INPP4B: variants seen among roughly 807,000 people sequenced by gnomAD.
The protein encoded by INPP4B is inositol polyphosphate 4-phosphatase type II.
In INPP4B, 55 loss-of-function variants were observed where a neutral mutation model predicts 122.5. The ratio of observed to expected loss-of-function variants is 0.45; its 90% confidence interval spans 0.36 to 0.56. The LOEUF (loss-of-function observed/expected upper bound fraction) is 0.56. Among genes scored for constraint, INPP4B ranks in the 20% least tolerant of loss-of-function variants. The pLI is 0.00. For missense variants in INPP4B, 1,000 were observed against 1,097.7 expected, an observed-to-expected ratio of 0.91 and a Z score of 1.26; for synonymous variants, 403 against 388.7, an observed-to-expected ratio of 1.04 and a Z score of -0.43.
At chr4:142,734,047 T>C (rs1766469351) in intron 1 of INPP4B, among the ~76,000 whole-genome samples, 1 of 152,192 alleles carries the variant, frequency 6.6e-6, no homozygotes, top group African/African-American at 2.4e-5. Flanking sequence ...TCACAATTCA[T>C]ATGGCAAAGC....
chr4:142,424,921 T>G (rs1807713470), intron 5 of INPP4B, among the ~76,000 whole-genome samples: 1 of 152,044 alleles, frequency 6.6e-6, no homozygotes, highest in Non-Finnish European at 1.5e-5. Context: ...TTTTGTTATA[T>G]TAATATAAAA....
chr4:142,075,478 C>T lies in INPP4B; in HGVS notation c.2642+6553G>A, dbSNP rs181367263. 2.7e-4 allele frequency among the ~76,000 whole-genome samples: 41 copies of T among 152,138 alleles called. No individual in the cohort carries two copies. The East Asian group carries it at 5.8e-3, about 22-fold the overall frequency. ...CTAGGGCTCTAGCAAGATTTCCAAA[C>T]CCTGTAGCCCACTAGCCCACTGTCA... On this transcript the variant is annotated intron_variant, in intron 25 of 25. Coordinates refer to ENST00000262992, the MANE Select transcript of INPP4B (RefSeq NM_001101669.3).
chr4:142,173,885 G>A, intron 15 of INPP4B, 76 bp from the exon 16 acceptor site: 1 of 1,155,030 alleles, frequency 8.7e-7, no homozygotes, highest in Non-Finnish European at 1.3e-6. Flanking sequence ...GATGGCAAAT[G>A]ATAAACAGAA....
intron 2 of INPP4B, among the ~76,000 whole-genome samples, chr4:142,547,894 C>T (rs963497817): frequency 2.0e-5 from 3 of 151,970 alleles, no homozygotes; most frequent in Non-Finnish European, 4.4e-5. Context: ...AATCATTGGC[C>T]CTGGAATATT....
At chr4:142,181,335 T>G (rs79583196) in intron 15 of INPP4B, among the ~76,000 whole-genome samples, 4 of 152,108 alleles carry the variant, frequency 2.6e-5, no homozygotes, top group African/African-American at 7.2e-5. Context: ...TTGCTGGAAG[T>G]AGAAGTTGCA....
At chr4:142,514,792 C>CTTTTTTTTT (rs3078620) in intron 2 of INPP4B, among the ~76,000 whole-genome samples, 2 of 121,780 alleles carry the variant, frequency 1.6e-5, no homozygotes, top group Admixed American at 8.8e-5. Flanking sequence ...ACCATGATTT[C>CTTTTTTTTT]TTTTTTTTTT....
At chr4:142,591,759 C>T (rs981568785) in intron 2 of INPP4B, among the ~76,000 whole-genome samples, 2 of 152,156 alleles carry the variant, frequency 1.3e-5, no homozygotes, top group Non-Finnish European at 2.9e-5. Context: ...GAATTGTCCT[C>T]CTCAAAAACA....
chr4:142,515,365 A>G (rs561563448), intron 2 of INPP4B, among the ~76,000 whole-genome samples: 24 of 152,280 alleles, frequency 1.6e-4, no homozygotes, highest in Non-Finnish European at 2.8e-4. Context: ...GTGGGTCATG[A>G]AAACGAAATG....
At chr4:142,638,977 A>G (rs1199936437) in intron 2 of INPP4B, among the ~76,000 whole-genome samples, 2 of 152,154 alleles carry the variant, frequency 1.3e-5, no homozygotes, top group Non-Finnish European at 2.9e-5. Flanking sequence ...GAAAGTTGTT[A>G]TCATGAATGG....
intron 2 of INPP4B, among the ~76,000 whole-genome samples, chr4:142,498,027 T>C (rs1402130826): frequency 6.6e-6 from 1 of 151,936 alleles, no homozygotes; most frequent in Non-Finnish European, 1.5e-5. Flanking sequence ...ATATAATTTG[T>C]TTTTATGAGC....
chr4:142,170,702 C>T (rs1825202735), intron 16 of INPP4B, among the ~76,000 whole-genome samples: 1 of 151,744 alleles, frequency 6.6e-6, no homozygotes, highest in African/African-American at 2.4e-5. Flanking sequence ...CCAATAAATG[C>T]TAGCTATTAC....
intron 9 of INPP4B, among the ~76,000 whole-genome samples, chr4:142,293,709 C>T (rs748481825): frequency 1.3e-5 from 2 of 152,176 alleles, no homozygotes; most frequent in African/African-American, 2.4e-5. Context: ...GAAATAGCTA[C>T]GCTATGACAC....
intron 7 of INPP4B, among the ~76,000 whole-genome samples, chr4:142,389,456 G>T (rs960004037): frequency 1.3e-5 from 2 of 152,092 alleles, no homozygotes; most frequent in Non-Finnish European, 2.9e-5. Context: ...TTTAGTTTAC[G>T]TGACTTTTAA....
intron 25 of INPP4B, among the ~76,000 whole-genome samples, chr4:142,035,428 C>T (rs2152299290): frequency 6.6e-6 from 1 of 152,250 alleles, no homozygotes; most frequent in South Asian, 2.1e-4. Context: ...AAATGTATTT[C>T]TCTAGAATCT....
chr4:142,775,260 CT>C lies in INPP4B; in HGVS notation c.-253-49360del, dbSNP rs573658432. ...AAGTTACTCTCCTCCATGCATTCTTCTTTACTGTACTCTTGAACCAATGTCA... is the reference window on the plus strand; with the variant it reads ...AAGTTACTCTCCTCCATGCATTCTTCTTACTGTACTCTTGAACCAATGTCA... On this transcript the variant is annotated intron_variant, in intron 1 of 25. Transcript: ENST00000262992. Among the ~76,000 whole-genome samples the C allele has an allele frequency of 6.8e-4, 103 of 151,244 alleles. 1 individual carries two copies. The highest frequency in any genetic ancestry group is 2.4e-3 in the African/African-American group (98 of 40,664).
chr4:142,558,647 G>C (rs1341231744), intron 2 of INPP4B, among the ~76,000 whole-genome samples: 6 of 126,002 alleles, frequency 4.8e-5, no homozygotes, highest in Admixed American at 4.3e-4. Context: ...GTATAATTCA[G>C]TGGGTGTTGG....
chr4:142,124,548 C>A (rs1243341290), intron 19 of INPP4B, 40 bp downstream of exon 19: 3 of 1,545,176 alleles, frequency 1.9e-6, no homozygotes, highest in Non-Finnish European at 1.8e-6. Flanking sequence ...TGTTAACAAT[C>A]CGGCATTGTT....
chr4:142,599,237 A>G (rs1248512517), intron 2 of INPP4B, among the ~76,000 whole-genome samples: 2 of 152,162 alleles, frequency 1.3e-5, no homozygotes, highest in African/African-American at 4.8e-5. Context: ...TAAGCTCAGC[A>G]TCAGTCTGAC....
At chr4:142,186,049 A>T (rs1253806090) in intron 15 of INPP4B, among the ~76,000 whole-genome samples, 2 of 152,132 alleles carry the variant, frequency 1.3e-5, no homozygotes, top group African/African-American at 4.8e-5. Context: ...CTAAATGACC[A>T]TCAATGGTGT....
Sources: gnomAD v4.1 joint callset for allele counts (sites outside exome capture counted in the v4.1 genomes callset) on GRCh38, gnomAD v4.1.1 for gene constraint, MANE v1.5 for transcripts, NCBI Gene and HGNC (gene_info 2026-07-23, HGNC 2026-07-21) for gene names.